The following PTPRE variants were observed in gnomAD, a reference collection of about 807,000 sequenced individuals.
PTPRE encodes the protein receptor-type tyrosine-protein phosphatase epsilon.
A neutral mutation model predicts 102.0 loss-of-function variants in PTPRE; 51 were observed. The ratio of observed to expected loss-of-function variants is 0.50; its 90% CI spans 0.40 to 0.63. The LOEUF is 0.63. PTPRE is among the 30% of genes least tolerant of loss of function. The pLI is 0.00. For missense variants in PTPRE, 752 were observed against 915.1 expected, an observed-to-expected ratio of 0.82 and a Z score of 2.30; for synonymous variants, 345 against 348.2, an observed-to-expected ratio of 0.99 and a Z score of 0.10.
intron 1 of PTPRE, chr10:127,964,919 T>C: frequency 2.3e-6 from 1 of 442,978 alleles, no homozygotes; most frequent in Non-Finnish European, 4.5e-6. Context: ...GGTCAGGGAG[T>C]TCCCTGGACC....
rs552114486 is a variant in PTPRE, at chr10:127,971,627, T to G, written c.-30-10647T>G. Among the ~76,000 whole-genome samples the G allele has an allele frequency of 2.0e-5, 3 of 152,370 alleles. No individual in the cohort carries two copies. The East Asian group carries it at 5.8e-4, about 29-fold the overall frequency. On this transcript the variant is annotated intron_variant, in intron 1 of 20. Transcript: ENST00000254667. ...GGTCAGATGTGTGCCCATCCCGGCC[T>G]GCAGCGAGTGCTTGCCCCTCACAAG...
At chr10:128,047,593 G>A (rs1385678929) in intron 4 of PTPRE, 104 bp downstream of exon 4, 2 of 1,612,398 alleles carry the variant, frequency 1.2e-6, no homozygotes, top group Non-Finnish European at 1.7e-6. Flanking sequence ...CAGCTGAGAG[G>A]CTGGGTGGCT....
chr10:128,031,346 C>T (rs1005000596), intron 2 of PTPRE, among the ~76,000 whole-genome samples: 1 of 150,388 alleles, frequency 6.6e-6, no homozygotes, highest in African/African-American at 2.5e-5. Context: ...GCGGAGGCTC[C>T]GTGGAGGGGC....
chr10:127,933,608 T>C (rs1014875328), intron 1 of PTPRE, among the ~76,000 whole-genome samples: 2 of 152,246 alleles, frequency 1.3e-5, no homozygotes, highest in African/African-American at 4.8e-5. Flanking sequence ...AGGACTTTCC[T>C]TGCAAGCATA....
At chr10:127,967,501 G>A (rs988029799) in intron 1 of PTPRE, among the ~76,000 whole-genome samples, 1 of 152,200 alleles carries the variant, frequency 6.6e-6, no homozygotes, top group Non-Finnish European at 1.5e-5. Flanking sequence ...GCCATATAAA[G>A]ATATGCTTTT....
intron 6 of PTPRE, among the ~76,000 whole-genome samples, chr10:128,051,161 T>C (rs1381888776): frequency 6.6e-6 from 1 of 152,182 alleles, no homozygotes; most frequent in Non-Finnish European, 1.5e-5. Flanking sequence ...CCATTTCCCC[T>C]TGCACTTTTG....
At chr10:127,993,045 C>G (rs1852846075) in intron 2 of PTPRE, among the ~76,000 whole-genome samples, 1 of 152,058 alleles carries the variant, frequency 6.6e-6, no homozygotes, top group African/African-American at 2.4e-5. Flanking sequence ...TTTGAAGTTG[C>G]CCCGGTCACA....
intron 2 of PTPRE, among the ~76,000 whole-genome samples, chr10:128,030,629 T>C (rs1590069290): frequency 6.6e-6 from 1 of 152,132 alleles, no homozygotes; most frequent in African/African-American, 2.4e-5. Context: ...GGCACCAGGG[T>C]AGAGACCTGC....
intron 1 of PTPRE, among the ~76,000 whole-genome samples, chr10:127,957,276 C>T (rs1020524630): frequency 1.3e-5 from 2 of 148,800 alleles, no homozygotes; most frequent in African/African-American, 5.0e-5. Flanking sequence ...TGTGTAGATT[C>T]ATTTTTTGCA....
rs115858945 is a variant in PTPRE, at chr10:128,064,320, G to C, written c.723+1140G>C. Among the ~76,000 whole-genome samples, 1,048 of 152,380 alleles carry C rather than the reference G, an allele frequency of 6.9e-3. 13 individuals carry two copies. The highest frequency in any genetic ancestry group is 0.024 in the African/African-American group (1,009 of 41,600). ...GGATGGAGGCTTTCATTCTGCTCTGGGGGGAGCTGAAACAGGACTGTGGAG... is the reference window on the plus strand; with the variant it reads ...GGATGGAGGCTTTCATTCTGCTCTGCGGGGAGCTGAAACAGGACTGTGGAG... On this transcript the variant is annotated intron_variant, in intron 10 of 20. Coordinates refer to ENST00000254667, the MANE Select transcript of PTPRE (RefSeq NM_006504.6).
intron 1 of PTPRE, among the ~76,000 whole-genome samples, chr10:127,969,834 C>T (rs1194682410): frequency 6.6e-6 from 1 of 152,130 alleles, no homozygotes; most frequent in African/African-American, 2.4e-5. Flanking sequence ...GATGCTGGCA[C>T]GTGCCTCCGG....
chr10:128,000,911 G>A (rs1190492014), intron 2 of PTPRE, among the ~76,000 whole-genome samples: 7 of 152,174 alleles, frequency 4.6e-5, no homozygotes, highest in African/African-American at 7.2e-5. Flanking sequence ...CCGTGCCCTT[G>A]GACAGGAAGC....
intron 6 of PTPRE, among the ~76,000 whole-genome samples, chr10:128,053,637 C>A (rs1848720247): frequency 6.6e-6 from 1 of 152,228 alleles, no homozygotes; most frequent in Non-Finnish European, 1.5e-5. Context: ...GTGGCTACGC[C>A]CCATCTCCAT....
At chr10:128,050,330 CGGAT>C (rs562305572) in intron 6 of PTPRE, among the ~76,000 whole-genome samples, 3,591 of 94,548 alleles carry the variant, frequency 0.038, 108 homozygotes, top group African/African-American at 0.092. Context: ...AGTGGGAGGG[CGGAT>C]GGATGGATGG....
At chr10:128,062,940 C>T (rs1014080738) in intron 9 of PTPRE, 143 bp from the exon 10 acceptor site, 5 of 1,428,612 alleles carry the variant, frequency 3.5e-6, no homozygotes, top group Non-Finnish European at 4.6e-6. Context: ...CGGAACGCTT[C>T]AGGGCATGAC....
At chr10:128,057,152 G>T (rs1403377648) in intron 7 of PTPRE, among the ~76,000 whole-genome samples, 2 of 152,030 alleles carry the variant, frequency 1.3e-5, no homozygotes, top group Non-Finnish European at 2.9e-5. Context: ...GGGAGACAGA[G>T]GTTGCCATGA....
At chr10:127,922,890 T>C (rs919349282) in intron 1 of PTPRE, among the ~76,000 whole-genome samples, 1 of 152,202 alleles carries the variant, frequency 6.6e-6, no homozygotes, top group Non-Finnish European at 1.5e-5. Context: ...GCTTCATCTC[T>C]TAGGACCTCG....
intron 2 of PTPRE, among the ~76,000 whole-genome samples, chr10:128,001,585 G>A (rs1853900493): frequency 6.6e-6 from 1 of 152,140 alleles, no homozygotes; most frequent in Non-Finnish European, 1.5e-5. Flanking sequence ...CAAAACCCCA[G>A]GCCGACCCCC....
In PTPRE at chr10:128,085,242, C is replaced by T. The variant is rs1282076551; in HGVS notation, c.*2336C>T. 1 of 352,420 alleles carries T rather than the reference C, an allele frequency of 2.8e-6. No homozygotes were observed. Among genetic ancestry groups the T allele is most frequent in the African/African-American group, 2.1e-5 (1 of 46,690 alleles). 21.8% of individuals were successfully genotyped at this position (352,420 alleles called of 1,614,324 possible). On this transcript the variant is annotated 3_prime_UTR_variant, in exon 21 of 21. Transcript: ENST00000254667. The stretch of plus-strand genomic sequence containing the variant: ...CACCTCACGCTGGGGGAATCAATCC[C>T]TGAGGGACTCAGAATCTTCTCCGTG...
Sources: gnomAD v4.1 joint callset for allele counts (sites outside exome capture counted in the v4.1 genomes callset) on GRCh38, gnomAD v4.1.1 for gene constraint, MANE v1.5 for transcripts, NCBI Gene and HGNC (gene_info 2026-07-23, HGNC 2026-07-21) for gene names.